LRRIQ3: variants seen among roughly 807,000 people sequenced by gnomAD.
The protein encoded by LRRIQ3 is leucine-rich repeat and IQ domain-containing protein 3.
LRRIQ3 carries 75 observed loss-of-function variants against 59.3 expected under a neutral mutation model. The observed-to-expected ratio is 1.26, with a 90% confidence interval of 1.05 to 1.53. The LOEUF (loss-of-function observed/expected upper bound fraction) is 1.53. LRRIQ3 is among the 40% of genes most tolerant of loss of function. LRRIQ3 has a pLI of 0.00. For missense variants in LRRIQ3, 831 were observed against 710.0 expected (o/e 1.17, Z -1.94); for synonymous variants, 250 against 231.3 (o/e 1.08, Z -0.73).
At chr1:74,097,934 C>A (rs567249841) in intron 5 of LRRIQ3, among the ~76,000 whole-genome samples, 26 of 152,260 alleles carry the variant, frequency 1.7e-4, no homozygotes, top group African/African-American at 6.3e-4. Flanking sequence ...ACAACCAGTA[C>A]CAGCCACTGC....
chr1:74,105,675 A>G (rs994644874), intron 5 of LRRIQ3, among the ~76,000 whole-genome samples: 1 of 152,056 alleles, frequency 6.6e-6, no homozygotes, highest in African/African-American at 2.4e-5. Flanking sequence ...AGAATAATAC[A>G]TCTAATAATA....
At chr1:74,168,693 G>T (rs1361661518) in intron 3 of LRRIQ3, among the ~76,000 whole-genome samples, 1 of 151,182 alleles carries the variant, frequency 6.6e-6, no homozygotes, top group Non-Finnish European at 1.5e-5. Flanking sequence ...ATTTCCTATG[G>T]GTTACTTAAA....
At chr1:74,084,067 T>C in intron 5 of LRRIQ3, 1 of 1,043,096 alleles carries the variant, frequency 9.6e-7, no homozygotes, top group Non-Finnish European at 1.4e-6. Flanking sequence ...ATCTTGTGTG[T>C]ACAGCTGATA....
chr1:74,109,743 G>C (rs565588030), intron 4 of LRRIQ3, among the ~76,000 whole-genome samples, 190 bp from the exon 5 acceptor site: 1 of 151,750 alleles, frequency 6.6e-6, no homozygotes, highest in African/African-American at 2.4e-5. Context: ...TTCATCAGAG[G>C]ATAAATGAAT....
At chr1:74,036,311 G>T (rs1005729684) in intron 7 of LRRIQ3, among the ~76,000 whole-genome samples, 2 of 152,032 alleles carry the variant, frequency 1.3e-5, no homozygotes, top group Admixed American at 6.6e-5. Context: ...ATATAGAAAG[G>T]CCAAGAAGAA....
intron 6 of LRRIQ3, among the ~76,000 whole-genome samples, chr1:74,056,558 T>C (rs1654541603): frequency 6.6e-6 from 1 of 152,136 alleles, no homozygotes. Flanking sequence ...TCAGTAGTGT[T>C]TTAATACACC....
At chr1:74,068,518 G>T (rs1394903415) in intron 6 of LRRIQ3, among the ~76,000 whole-genome samples, 1 of 152,018 alleles carries the variant, frequency 6.6e-6, no homozygotes, top group Non-Finnish European at 1.5e-5. Context: ...GGAATATATG[G>T]TACCGGTGCT....
chr1:74,172,768 A>T (rs1649404773), intron 3 of LRRIQ3, among the ~76,000 whole-genome samples: 1 of 152,084 alleles, frequency 6.6e-6, no homozygotes, highest in African/African-American at 2.4e-5. Context: ...AAATATATTT[A>T]TATTTGTTAT....
intron 4 of LRRIQ3, among the ~76,000 whole-genome samples, chr1:74,110,065 A>T (rs1338038825): frequency 6.6e-6 from 1 of 151,892 alleles, no homozygotes; most frequent in Non-Finnish European, 1.5e-5. Flanking sequence ...CTAAAAAAAA[A>T]GTTTAAAAAA....
chr1:74,052,578 T>G (rs945366996), intron 6 of LRRIQ3, among the ~76,000 whole-genome samples: 2 of 152,148 alleles, frequency 1.3e-5, no homozygotes, highest in Admixed American at 1.3e-4. Flanking sequence ...GGTAGACATC[T>G]CTAATATCCT....
At chr1:74,027,859 G>T (rs1653566985) in intron 7 of LRRIQ3, among the ~76,000 whole-genome samples, 1 of 152,012 alleles carries the variant, frequency 6.6e-6, no homozygotes, top group South Asian at 2.1e-4. Flanking sequence ...ATATACAAAT[G>T]AGATATTATG....
chr1:74,068,531 T>C (rs1378689795), intron 6 of LRRIQ3, among the ~76,000 whole-genome samples: 3 of 152,102 alleles, frequency 2.0e-5, no homozygotes, highest in Non-Finnish European at 4.4e-5. Context: ...CCGGTGCTTA[T>C]AATTACAAAA....
chr1:74,066,064 T>A (rs1381308462), intron 6 of LRRIQ3, among the ~76,000 whole-genome samples: 3 of 151,716 alleles, frequency 2.0e-5, no homozygotes, highest in Non-Finnish European at 2.9e-5. Context: ...TGCATGCCTG[T>A]AATCCCAGCT....
At chr1:74,123,807 A>C (rs1557626464) in intron 4 of LRRIQ3, among the ~76,000 whole-genome samples, 1 of 151,946 alleles carries the variant, frequency 6.6e-6, no homozygotes, top group South Asian at 2.1e-4. Context: ...GATTGCCTTT[A>C]CTTTGGGTAT....
chr1:74,106,249 T>C (rs1301700246), intron 5 of LRRIQ3, among the ~76,000 whole-genome samples: 1 of 152,048 alleles, frequency 6.6e-6, no homozygotes, highest in Non-Finnish European at 1.5e-5. Context: ...TTCCACATGG[T>C]TGAAGCAGTA....
intron 1 of LRRIQ3, among the ~76,000 whole-genome samples, chr1:74,188,227 T>C (rs1370056372): frequency 6.6e-6 from 1 of 151,998 alleles, no homozygotes; most frequent in African/African-American, 2.4e-5. Context: ...TGAAAACACA[T>C]GGACACATAA....
intron 5 of LRRIQ3, among the ~76,000 whole-genome samples, chr1:74,097,722 C>T (rs1228870340): frequency 6.6e-6 from 1 of 152,184 alleles, no homozygotes; most frequent in Non-Finnish European, 1.5e-5. Context: ...AGAAACTCTA[C>T]AAGCCAGAAG....
At position 74,026,082 on chromosome 1, in the gene LRRIQ3, TGG is replaced by T. The variant is rs1319806374; in HGVS notation, c.*729_*730del. On this transcript the variant is annotated 3_prime_UTR_variant, in exon 8 of 8. Transcript: ENST00000354431. ...CATTGGTATGTATTAAACAGACTTA[TGG>T]TTAATATATACCATTTCTGTATATT... is the stretch of plus-strand genomic sequence containing the variant. 1 of 152,026 alleles carries T rather than the reference TGG, an allele frequency of 6.6e-6. No homozygotes were observed. Among genetic ancestry groups the T allele is most frequent in the Non-Finnish European group, 1.5e-5 (1 of 67,916 alleles). The allele number at this position is 152,026 out of a possible 1,614,324, so 9.4% of individuals were successfully genotyped here.
intron 5 of LRRIQ3, among the ~76,000 whole-genome samples, chr1:74,088,974 A>C (rs1366004846): frequency 6.6e-6 from 1 of 152,076 alleles, no homozygotes; most frequent in Non-Finnish European, 1.5e-5. Context: ...AATAATAAAA[A>C]GATAATCTAT....
Sources: gnomAD v4.1 joint callset for allele counts (sites outside exome capture counted in the v4.1 genomes callset) on GRCh38, gnomAD v4.1.1 for gene constraint, MANE v1.5 for transcripts, NCBI Gene and HGNC (gene_info 2026-07-23, HGNC 2026-07-21) for gene names.